ELP4: variants seen among roughly 807,000 people sequenced by gnomAD.
The protein encoded by ELP4 is elongator complex protein 4.
Under a neutral mutation model 48.9 loss-of-function variants are expected in ELP4, and 51 were observed. The ratio of observed to expected loss-of-function variants is 1.04; its 90% CI spans 0.83 to 1.32. The LOEUF (loss-of-function observed/expected upper bound fraction) is 1.32, where lower values mean the gene tolerates loss of function less well. ELP4 is among the 40% of genes most tolerant of loss of function. The pLI, the probability that ELP4 is intolerant of heterozygous loss-of-function variation, is 0.00. For missense variants in ELP4, 519 were observed against 514.6 expected, an observed-to-expected ratio of 1.01 and a Z score of -0.08; for synonymous variants, 210 against 189.2, an observed-to-expected ratio of 1.11 and a Z score of -0.90.
chr11:31,666,719 T>C (rs1462212273), intron 9 of ELP4, among the ~76,000 whole-genome samples: 4 of 150,946 alleles, frequency 2.6e-5, no homozygotes, highest in East Asian at 1.9e-4. Flanking sequence ...AGGTTCCTTA[T>C]GTAGACTTAA....
rs578112753 is a variant in ELP4, at chr11:31,714,655, A to C, written c.1143+64434A>C. 1.3e-4 allele frequency: 51 copies of C among 398,588 alleles called. No homozygotes were observed. In the East Asian group the frequency reaches 1.8e-3, roughly 14 times the overall value. The allele number at this position is 398,588 out of a possible 1,614,324, so 24.7% of individuals were successfully genotyped here. On this transcript the variant is annotated intron_variant, in intron 9 of 9. Transcript: ENST00000640961. ...GGCAGAGGTCCAAAAAGGGGTCAGC[A>C]CAGCTACGTTCCTCCTGGATGGTCC... is the stretch of plus-strand genomic sequence containing the variant.
chr11:31,555,581 C>T (rs1203705130), intron 3 of ELP4, among the ~76,000 whole-genome samples: 1 of 151,562 alleles, frequency 6.6e-6, no homozygotes. Flanking sequence ...TTGTTTTTAA[C>T]ATAATATATA....
At chr11:31,659,287 T>C (rs1945504664) in intron 9 of ELP4, among the ~76,000 whole-genome samples, 1 of 152,130 alleles carries the variant, frequency 6.6e-6, no homozygotes, top group African/African-American at 2.4e-5. Context: ...AGGTTCTTTG[T>C]ATCTGGTATC....
chr11:31,599,482 TAC>T (rs1158380515), intron 4 of ELP4: 196 of 94,972 alleles, frequency 2.1e-3, no homozygotes, highest in African/African-American at 7.0e-3. Flanking sequence ...CTCATTTTAA[TAC>T]ACACACACAC....
intron 5 of ELP4, among the ~76,000 whole-genome samples, chr11:31,617,142 G>A (rs1486160543): frequency 6.6e-6 from 1 of 152,164 alleles, no homozygotes; most frequent in East Asian, 1.9e-4. Context: ...ATTTGCAGTT[G>A]GCAAGAGGTG....
chr11:31,741,946 C>T (rs1031011383), intron 9 of ELP4, among the ~76,000 whole-genome samples: 2 of 152,058 alleles, frequency 1.3e-5, no homozygotes, highest in Non-Finnish European at 2.9e-5. Flanking sequence ...TCAAACTACT[C>T]CGAGCTACAG....
chr11:31,633,419 C>T (rs902419034), intron 7 of ELP4: 4 of 151,934 alleles, frequency 2.6e-5, no homozygotes, highest in Admixed American at 6.6e-5. Flanking sequence ...CCCATCTCTA[C>T]AAAAAATTAA....
intron 9 of ELP4, among the ~76,000 whole-genome samples, chr11:31,693,037 G>C (rs1260661605): frequency 6.6e-6 from 1 of 152,122 alleles, no homozygotes; most frequent in Admixed American, 6.6e-5. Flanking sequence ...AAGCCTAGCA[G>C]AGTTTCTGAC....
intron 3 of ELP4, among the ~76,000 whole-genome samples, chr11:31,544,852 C>T (rs1239661646): frequency 6.6e-6 from 1 of 152,170 alleles, no homozygotes; most frequent in Non-Finnish European, 1.5e-5. Flanking sequence ...CACGAAAAAC[C>T]ACTGTTCTGC....
At chr11:31,737,013 CACACGT>C (rs1947335124) in intron 9 of ELP4, among the ~76,000 whole-genome samples, 1 of 152,176 alleles carries the variant, frequency 6.6e-6, no homozygotes, top group African/African-American at 2.4e-5. Flanking sequence ...AAGACACATG[CACACGT>C]ATGTTTATTG....
At chr11:31,754,883 C>A (rs1287640642) in intron 9 of ELP4, among the ~76,000 whole-genome samples, 2 of 151,996 alleles carry the variant, frequency 1.3e-5, no homozygotes, top group Non-Finnish European at 2.9e-5. Flanking sequence ...AAAATAAATC[C>A]TCTCCCTGGC....
chr11:31,609,193 A>G (rs764647372), intron 5 of ELP4, among the ~76,000 whole-genome samples: 1 of 152,172 alleles, frequency 6.6e-6, no homozygotes, highest in Non-Finnish European at 1.5e-5. Flanking sequence ...GGAGGCTGCT[A>G]TCGGGTCTTT....
In ELP4 at chr11:31,685,224, G is replaced by A. The variant is rs141982401; in HGVS notation, c.1143+35003G>A. The stretch of plus-strand genomic sequence containing the variant: ...AAATTAGCCAGGCGTGGTAGTGGGC[G>A]CCTGTAATCCCAGCTACTTGGGAGG... On this transcript the variant is annotated intron_variant, in intron 9 of 9. Transcript: ENST00000640961. Among the ~76,000 whole-genome samples the A allele has an allele frequency of 3.3e-3, 495 of 152,080 alleles. 1 individual carries two copies. The highest frequency in any genetic ancestry group is 5.8e-3 in the Non-Finnish European group (392 of 67,972).
chr11:31,665,326 A>G (rs1005419396), intron 9 of ELP4, among the ~76,000 whole-genome samples: 26 of 152,112 alleles, frequency 1.7e-4, no homozygotes, highest in Non-Finnish European at 3.2e-4. Context: ...CTATGCCTGT[A>G]GCAAAAGGGA....
intron 9 of ELP4, among the ~76,000 whole-genome samples, chr11:31,743,661 G>A (rs567695840): frequency 4.6e-5 from 7 of 152,068 alleles, no homozygotes; most frequent in East Asian, 3.9e-4. Context: ...GGTACATAAC[G>A]AAATGAAGGC....
intron 9 of ELP4, among the ~76,000 whole-genome samples, chr11:31,738,232 CAAAAAAA>C (rs57817538): frequency 0.021 from 1,143 of 53,726 alleles, 14 homozygotes; most frequent in African/African-American, 0.053. Flanking sequence ...CCATCTCTAC[CAAAAAAA>C]AAAAAAAAAA....
chr11:31,660,795 T>G (rs987979008), intron 9 of ELP4, among the ~76,000 whole-genome samples: 2 of 152,026 alleles, frequency 1.3e-5, no homozygotes, highest in Non-Finnish European at 2.9e-5. Flanking sequence ...GATTCAAAAT[T>G]TGTCATGCAT....
chr11:31,539,786 A>G lies in ELP4; in HGVS notation c.381+3A>G, dbSNP rs1394604278. 2 of 1,595,636 alleles carry G rather than the reference A, an allele frequency of 1.3e-6. No individual in the cohort carries two copies. Among genetic ancestry groups the G allele is most frequent in the African/African-American group, 1.3e-5 (1 of 74,150 alleles). On this transcript the variant is annotated splice_donor_region_variant and intron_variant, in intron 3 of 9. Transcript: ENST00000640961. ...AGGATCCTGCCAACATTTTACAGGT[A>G]TAGAATATATGAACTTAATATTGCA...
chr11:31,547,087 A>C (rs1389397415), intron 3 of ELP4, among the ~76,000 whole-genome samples: 1 of 152,202 alleles, frequency 6.6e-6, no homozygotes, highest in Non-Finnish European at 1.5e-5. Flanking sequence ...TAGAGAACCA[A>C]GAGCAAACAC....
Sources: gnomAD v4.1 joint callset for allele counts (sites outside exome capture counted in the v4.1 genomes callset) on GRCh38, gnomAD v4.1.1 for gene constraint, MANE v1.5 for transcripts, NCBI Gene and HGNC (gene_info 2026-07-23, HGNC 2026-07-21) for gene names.